Variants in CNOT10 observed in about 807,000 individuals in gnomAD.
CNOT10 encodes CCR4-NOT transcription complex, subunit 10.
CNOT10 carries 30 observed loss-of-function variants against 94.6 expected under a neutral mutation model. That is an observed-to-expected ratio of 0.32 (90% CI 0.24 to 0.43). The LOEUF is 0.43. Among genes scored for constraint, CNOT10 ranks in the 20% least tolerant of loss-of-function variants. The pLI, the probability that CNOT10 is intolerant of heterozygous loss-of-function variation, is 1.00. For missense variants in CNOT10, 759 were observed against 877.2 expected (o/e 0.87, Z 1.70); for synonymous variants, 289 against 301.6 (o/e 0.96, Z 0.43).
intron 3 of CNOT10, among the ~76,000 whole-genome samples, chr3:32,707,175 A>G (rs556370765): frequency 3.2e-4 from 48 of 152,346 alleles, no homozygotes; most frequent in African/African-American, 1.1e-3. Flanking sequence ...CATGTGTTAC[A>G]TGGAATTGTG....
At position 32,716,219 on chromosome 3, in the gene CNOT10, C is replaced by T; in HGVS notation, c.574-6C>T. On this transcript the variant is annotated splice_polypyrimidine_tract_variant and splice_region_variant and intron_variant, in intron 5 of 18. Coordinates refer to ENST00000328834, the MANE Select transcript of CNOT10 (RefSeq NM_015442.3). Reference sequence around the variant, plus strand: ...TTTTGATAAACTTTGTTTCATCACCCTACAGACTGGTAATAACAACAACAA... The same window carrying T: ...TTTTGATAAACTTTGTTTCATCACCTTACAGACTGGTAATAACAACAACAA... The T allele has an allele frequency of 6.6e-7, 1 of 1,525,658 alleles. No individual in the cohort carries two copies. The highest frequency in any genetic ancestry group is 9.0e-7 in the Non-Finnish European group (1 of 1,116,398). 94.5% of individuals were successfully genotyped at this position (1,525,658 alleles called of 1,614,324 possible).
At chr3:32,768,913 A>C (rs952391671) in intron 17 of CNOT10, 1 of 152,154 alleles carries the variant, frequency 6.6e-6, no homozygotes, top group African/African-American at 2.4e-5. Context: ...TGAGATATCT[A>C]CCCTGCAAGG....
At chr3:32,711,444 C>T (rs1360805388) in intron 4 of CNOT10, among the ~76,000 whole-genome samples, 1 of 152,148 alleles carries the variant, frequency 6.6e-6, no homozygotes, top group East Asian at 1.9e-4. Flanking sequence ...AGTGCAGATG[C>T]AACAACTTTT....
At chr3:32,727,172 A>G (rs1003845339) in intron 9 of CNOT10, among the ~76,000 whole-genome samples, 1 of 152,026 alleles carries the variant, frequency 6.6e-6, no homozygotes, top group Admixed American at 6.6e-5. Context: ...GAAACTTTAT[A>G]TAGACTCTAA....
chr3:32,710,869 C>T (rs977010567), intron 4 of CNOT10, among the ~76,000 whole-genome samples: 47 of 152,070 alleles, frequency 3.1e-4, no homozygotes, highest in African/African-American at 9.2e-4. Context: ...TACAGTCACG[C>T]GCCACCACAC....
At chr3:32,738,510 T>C (rs1367611200) in intron 13 of CNOT10, among the ~76,000 whole-genome samples, 1 of 151,550 alleles carries the variant, frequency 6.6e-6, no homozygotes, top group Non-Finnish European at 1.5e-5. Context: ...TCTCCCAGGC[T>C]GGAGTGCAGT....
chr3:32,710,698 G>A (rs369543207), intron 4 of CNOT10, among the ~76,000 whole-genome samples: 13 of 151,866 alleles, frequency 8.6e-5, no homozygotes, highest in African/African-American at 3.1e-4. Flanking sequence ...GTCAAACTTG[G>A]AATCATAACT....
intron 9 of CNOT10, 86 bp from the exon 10 acceptor site, chr3:32,727,582 G>A (rs1005739232): frequency 1.4e-5 from 12 of 867,474 alleles, no homozygotes. Flanking sequence ...ACATGGTAGT[G>A]TCTAAGTACT....
In CNOT10 at chr3:32,754,897, CA is replaced by C. The variant is rs1212573196; in HGVS notation, c.1596-4547del. 3.3e-3 allele frequency among the ~76,000 whole-genome samples: 377 copies of C among 113,370 alleles called. 1 individual carries two copies. The highest frequency in any genetic ancestry group is 0.014 in the Middle Eastern group (3 of 222). The allele number at this position is 113,370 out of a possible 152,430, so 74.4% of individuals were successfully genotyped here. ...TAGCCCTGTTCTCCAAGGACCATTA[CA>C]AAAAAAAAAAAAATAGATATTTAGT... On this transcript the variant is annotated intron_variant, in intron 13 of 18. Transcript: ENST00000328834.
chr3:32,734,276 G>T (rs572150584), intron 11 of CNOT10, among the ~76,000 whole-genome samples: 1 of 152,182 alleles, frequency 6.6e-6, no homozygotes, highest in African/African-American at 2.4e-5. Context: ...TTTTTCTCTA[G>T]TAAAGATTCT....
chr3:32,752,324 C>T (rs1307650948), intron 13 of CNOT10, among the ~76,000 whole-genome samples: 1 of 152,112 alleles, frequency 6.6e-6, no homozygotes, highest in Non-Finnish European at 1.5e-5. Flanking sequence ...GTCTGCCACT[C>T]TGTGGAAACC....
intron 8 of CNOT10, among the ~76,000 whole-genome samples, chr3:32,720,653 T>A (rs1488517483): frequency 6.6e-6 from 1 of 151,348 alleles, no homozygotes; most frequent in African/African-American, 2.4e-5. Flanking sequence ...CCACCATGCC[T>A]GGCTTATTTA....
Position 32,760,572 on chromosome 3 carries a change from C to T in CNOT10, c.1709+1001C>T, listed in dbSNP as rs558313138. Among the ~76,000 whole-genome samples, 3 of 152,216 alleles carry T rather than the reference C, an allele frequency of 2.0e-5. No individual in the cohort carries two copies. In the East Asian group the frequency reaches 5.8e-4, roughly 29 times the overall value. On this transcript the variant is annotated intron_variant, in intron 14 of 18. Coordinates refer to ENST00000328834, the MANE Select transcript of CNOT10 (RefSeq NM_015442.3). Reference sequence around the variant, plus strand: ...ACTTGAGCCTGGGGGGCGGACGTTGCGGTGAGCCACGGTTGCACCATTGCA... The same window carrying T: ...ACTTGAGCCTGGGGGGCGGACGTTGTGGTGAGCCACGGTTGCACCATTGCA...
chr3:32,764,345 AAAAAAG>A, intron 15 of CNOT10, 104 bp from the exon 16 acceptor site: 9 of 1,203,870 alleles, frequency 7.5e-6, no homozygotes, highest in South Asian at 2.9e-5. Flanking sequence ...TCAAAAAAAA[AAAAAAG>A]AAAAGAAAAG....
At chr3:32,703,043 C>A (rs1002917019) in intron 1 of CNOT10, among the ~76,000 whole-genome samples, 3 of 150,198 alleles carry the variant, frequency 2.0e-5, no homozygotes, top group Non-Finnish European at 4.4e-5. Context: ...TCCCAAGTAG[C>A]TGGGACTACA....
chr3:32,711,964 A>C (rs1459179856), intron 4 of CNOT10, among the ~76,000 whole-genome samples: 1 of 152,116 alleles, frequency 6.6e-6, no homozygotes, highest in Admixed American at 6.5e-5. Context: ...AGGCTTTTGA[A>C]ATTTTCTCTT....
intron 1 of CNOT10, among the ~76,000 whole-genome samples, chr3:32,688,872 G>A (rs111817514): frequency 3.0e-4 from 46 of 152,088 alleles, no homozygotes; most frequent in African/African-American, 8.4e-4. Context: ...CTTTGATCAC[G>A]CCACTGTCCA....
chr3:32,754,517 A>AC (rs1553637915), intron 13 of CNOT10, among the ~76,000 whole-genome samples: 2 of 79,378 alleles, frequency 2.5e-5, no homozygotes, highest in Non-Finnish European at 2.3e-5. Context: ...TATTTATTTT[A>AC]CTTTTTTTTT....
intron 1 of CNOT10, among the ~76,000 whole-genome samples, chr3:32,693,838 G>A (rs1193534533): frequency 2.0e-5 from 3 of 151,976 alleles, no homozygotes; most frequent in Non-Finnish European, 2.9e-5. Flanking sequence ...CACCATGCCC[G>A]GCACTTATAT....
Sources: gnomAD v4.1 joint callset for allele counts (sites outside exome capture counted in the v4.1 genomes callset) on GRCh38, gnomAD v4.1.1 for gene constraint, MANE v1.5 for transcripts, NCBI Gene and HGNC (gene_info 2026-07-23, HGNC 2026-07-21) for gene names.